The following CCDC91 variants were observed in gnomAD, a reference collection of about 807,000 sequenced individuals.
CCDC91 encodes coiled-coil domain containing 91, also known as coiled-coil domain-containing protein 91.
In CCDC91, 48 loss-of-function variants were observed where a neutral mutation model predicts 63.2. The ratio of observed to expected loss-of-function variants is 0.76; its 90% confidence interval spans 0.60 to 0.97. The LOEUF (loss-of-function observed/expected upper bound fraction) is 0.97. CCDC91 is among the 50% of genes least tolerant of loss of function. CCDC91 has a pLI of 0.00. For synonymous variants in CCDC91, 167 were observed against 165.8 expected (o/e 1.01, Z -0.06); for missense variants, 500 against 494.6 (o/e 1.01, Z -0.10).
At chr12:28,384,073 A>G (rs777002299) in intron 7 of CCDC91, among the ~76,000 whole-genome samples, 1 of 152,182 alleles carries the variant, frequency 6.6e-6, no homozygotes, top group African/African-American at 2.4e-5. Flanking sequence ...AACAGCATTC[A>G]GGGCCAAATC....
At chr12:28,389,867 G>A (rs1321931946) in intron 7 of CCDC91, among the ~76,000 whole-genome samples, 2 of 151,924 alleles carry the variant, frequency 1.3e-5, no homozygotes, top group African/African-American at 4.8e-5. Context: ...CCCAACAAAT[G>A]GTATGTTTCC....
In CCDC91 at chr12:28,267,854, AATATATAATT is replaced by A. The variant is rs1419042333; in HGVS notation, c.109+8435_109+8444del. Among the ~76,000 whole-genome samples, 52 of 52,718 alleles carry A rather than the reference AATATATAATT, an allele frequency of 9.9e-4. 1 individual carries two copies. The highest frequency in any genetic ancestry group is 3.6e-3 in the African/African-American group (49 of 13,746). 34.6% of individuals were successfully genotyped at this position (52,718 alleles called of 152,430 possible). A position where few individuals can be genotyped will look rare whatever the true frequency, so the allele number is the denominator to read the frequency against. On this transcript the variant is annotated intron_variant, in intron 3 of 12. Transcript: ENST00000536442. ...ATATAATTATATATAATTATATAGT[AATATATAATT>A]ATATATAATTATATATAATTATTAT...
chr12:28,338,897 A>G (rs777601280), intron 6 of CCDC91, among the ~76,000 whole-genome samples: 1 of 151,836 alleles, frequency 6.6e-6, no homozygotes, highest in Non-Finnish European at 1.5e-5. Flanking sequence ...CTGGAGTGCA[A>G]TGGCGCAATC....
intron 3 of CCDC91, among the ~76,000 whole-genome samples, chr12:28,276,586 A>G (rs1948242612): frequency 6.6e-6 from 1 of 151,994 alleles, no homozygotes; most frequent in Non-Finnish European, 1.5e-5. Context: ...GGTAGATTGT[A>G]GTATTTGCCT....
At chr12:28,385,250 A>G (rs1045649891) in intron 7 of CCDC91, among the ~76,000 whole-genome samples, 5 of 152,186 alleles carry the variant, frequency 3.3e-5, no homozygotes, top group East Asian at 1.9e-4. Context: ...TGTATATACT[A>G]TTATCCTCAA....
intron 3 of CCDC91, among the ~76,000 whole-genome samples, chr12:28,271,946 T>A (rs1947796876): frequency 6.7e-6 from 1 of 149,884 alleles, no homozygotes; most frequent in African/African-American, 2.4e-5. Flanking sequence ...CCACAAGACA[T>A]TATTATTAGC....
intron 8 of CCDC91, 96 bp from the exon 9 acceptor site, chr12:28,450,065 T>A: frequency 1.4e-6 from 1 of 690,146 alleles, no homozygotes; most frequent in Non-Finnish European, 2.4e-6. Context: ...TGTAACTACT[T>A]CAATTTTCTG....
At chr12:28,532,565 G>T (rs1401625478) in intron 12 of CCDC91, among the ~76,000 whole-genome samples, 1 of 152,008 alleles carries the variant, frequency 6.6e-6, no homozygotes, top group Non-Finnish European at 1.5e-5. Context: ...GAAAGAGAAG[G>T]AATGATGTAA....
intron 6 of CCDC91, among the ~76,000 whole-genome samples, chr12:28,355,708 A>C (rs893063785): frequency 3.9e-5 from 6 of 152,172 alleles, no homozygotes; most frequent in African/African-American, 1.2e-4. Context: ...GGTCCTTTGC[A>C]TACCTTCCTC....
At chr12:28,207,737 A>G (rs531592840) in intron 1 of CCDC91, among the ~76,000 whole-genome samples, 1 of 152,292 alleles carries the variant, frequency 6.6e-6, no homozygotes, top group East Asian at 1.9e-4. Flanking sequence ...AATTTGGATC[A>G]TTTTATCTTT....
At chr12:28,202,181 C>A (rs1448372467) in intron 1 of CCDC91, among the ~76,000 whole-genome samples, 1 of 152,004 alleles carries the variant, frequency 6.6e-6, no homozygotes. Context: ...ATATGGTTTT[C>A]TTTAGCTCTT....
At chr12:28,209,745 A>G (rs1943101494) in intron 1 of CCDC91, among the ~76,000 whole-genome samples, 1 of 152,160 alleles carries the variant, frequency 6.6e-6, no homozygotes, top group African/African-American at 2.4e-5. Context: ...ATTTTTTATA[A>G]CACTTTCACA....
rs75520396 is a variant in CCDC91 at position 28,337,449 on chromosome 12, G to T, written c.577-24989G>T. Among the ~76,000 whole-genome samples the T allele has an allele frequency of 8.5e-3, 1,285 of 151,334 alleles. 10 individuals are homozygous for T. The highest frequency in any genetic ancestry group is 0.013 in the Admixed American group (194 of 15,198). The stretch of plus-strand genomic sequence containing the variant: ...TCAAAATCATCTTGTTTTTTATCTA[G>T]ATCATTGTTTTCTTTATTATTTTAA... On this transcript the variant is annotated intron_variant, in intron 6 of 12. Transcript: ENST00000536442.
intron 12 of CCDC91, among the ~76,000 whole-genome samples, chr12:28,488,580 G>A (rs950595698): frequency 6.6e-6 from 1 of 151,488 alleles, no homozygotes; most frequent in African/African-American, 2.4e-5. Context: ...GGAAAAAAAA[G>A]GATCCTTACA....
At chr12:28,405,907 TA>T (rs1425110683) in intron 8 of CCDC91, among the ~76,000 whole-genome samples, 1 of 152,114 alleles carries the variant, frequency 6.6e-6, no homozygotes, top group Non-Finnish European at 1.5e-5. Context: ...CACATATAGT[TA>T]TAATGTCTAT....
At chr12:28,517,034 T>C (rs1442112034) in intron 12 of CCDC91, among the ~76,000 whole-genome samples, 1 of 151,950 alleles carries the variant, frequency 6.6e-6, no homozygotes, top group Non-Finnish European at 1.5e-5. Context: ...CAATACCCTA[T>C]ACATTCAGTA....
At chr12:28,471,188 T>TAA (rs1950796196) in intron 11 of CCDC91, among the ~76,000 whole-genome samples, 1 of 152,122 alleles carries the variant, frequency 6.6e-6, no homozygotes, top group South Asian at 2.1e-4. Flanking sequence ...AGAGCCAAGA[T>TAA]ACATAAAAGT....
intron 6 of CCDC91, among the ~76,000 whole-genome samples, chr12:28,338,560 G>A (rs1490572796): frequency 6.6e-6 from 1 of 152,078 alleles, no homozygotes; most frequent in Non-Finnish European, 1.5e-5. Flanking sequence ...ATACCAGGGG[G>A]CCACCCTACA....
chr12:28,522,824 G>A (rs1290737167), intron 12 of CCDC91, among the ~76,000 whole-genome samples: 8 of 151,922 alleles, frequency 5.3e-5, no homozygotes, highest in Non-Finnish European at 7.4e-5. Context: ...CCTTCATTTC[G>A]TTATGTACCC....
Sources: gnomAD v4.1 joint callset for allele counts (sites outside exome capture counted in the v4.1 genomes callset) on GRCh38, gnomAD v4.1.1 for gene constraint, MANE v1.5 for transcripts, NCBI Gene and HGNC (gene_info 2026-07-23, HGNC 2026-07-21) for gene names.